The following CSAD variants were observed in gnomAD, a reference collection of about 807,000 sequenced individuals.
CSAD encodes P-selectin cytoplasmic tail-associated protein.
Under a neutral mutation model 61.5 loss-of-function variants are expected in CSAD, and 47 were observed. The ratio of observed to expected loss-of-function variants is 0.76; its 90% confidence interval spans 0.60 to 0.97. The LOEUF is 0.97. Ranked by LOEUF, CSAD falls within the 50% of genes least tolerant of loss-of-function variation. The pLI, the probability that CSAD is intolerant of heterozygous loss-of-function variation, is 0.00. For synonymous variants in CSAD, 245 were observed against 252.7 expected, an observed-to-expected ratio of 0.97 and a Z score of 0.29; for missense variants, 611 against 643.6, an observed-to-expected ratio of 0.95 and a Z score of 0.55.
Position 53,161,113 on chromosome 12 carries a change from G to C in CSAD, c.884+14C>G. The C allele has an allele frequency of 1.2e-6, 2 of 1,612,748 alleles. No individual in the cohort carries two copies. The highest frequency in any genetic ancestry group is 1.3e-5 in the African/African-American group (1 of 75,006). The stretch of plus-strand genomic sequence containing the variant: ...TTGAAGGGCGGGATTTGGGAAGAAG[G>C]GGACTGTATGCACCTCTGGATCCCA... On this transcript the variant is annotated intron_variant, in intron 12 of 16. Coordinates refer to ENST00000444623, the MANE Select transcript of CSAD (RefSeq NM_001244705.2).
upstream of CSAD, chr12:53,181,176 G>C (rs1941609274): frequency 3.0e-6 from 3 of 985,352 alleles, no homozygotes; most frequent in Non-Finnish European, 3.6e-6. Flanking sequence ...GCGACACGCC[G>C]CGCCGGGCTT....
At chr12:53,178,377 A>G in intron 2 of CSAD, 2 of 456,034 alleles carry the variant, frequency 4.4e-6, no homozygotes, top group Non-Finnish European at 8.8e-6. Flanking sequence ...CTGTAGTCCC[A>G]ACTACTTGGG....
In CSAD at chr12:53,172,628, A is replaced by G. The variant is rs146944410; in HGVS notation, c.147T>C (p.Pro49=). The change falls in exon 5 of 17, where the codon CCT becomes CCC. Residue 49 remains proline (P), a synonymous_variant. Transcript: ENST00000444623. ...VSQKVCEWKE[P]EELKQLLDLE... is the part of the protein sequence containing the mutation. The stretch of plus-strand genomic sequence containing the variant: ...AATCCAGCAGCTGCTTCAGCTCCTC[A>G]GGCTCCTTCCACTCACAGACCTAGG... 1.2e-5 allele frequency: 19 copies of G among 1,607,846 alleles called. No homozygotes were observed. In the African/African-American group the frequency reaches 1.5e-4, roughly 12 times the overall value.
intron 2 of CSAD, 36 bp from the exon 3 acceptor site, chr12:53,173,806 G>A (rs1450033151): frequency 5.0e-6 from 8 of 1,608,062 alleles, no homozygotes; most frequent in African/African-American, 1.3e-5. Flanking sequence ...AGAGGAAGTG[G>A]GGTGAAAAGT....
chr12:53,176,949 T>C (rs1434137362), intron 2 of CSAD, among the ~76,000 whole-genome samples: 1 of 152,130 alleles, frequency 6.6e-6, no homozygotes, highest in Non-Finnish European at 1.5e-5. Context: ...CAGGCTGGTC[T>C]TAAACTCTTG....
intron 9 of CSAD, 124 bp from the exon 10 acceptor site, chr12:53,170,250 G>T (rs1237170186): frequency 2.0e-6 from 2 of 1,024,112 alleles, no homozygotes; most frequent in African/African-American, 3.2e-5. Flanking sequence ...ACAGATCTCA[G>T]GGCAGAGGTG....
chr12:53,169,497 T>G (rs1421298842), intron 10 of CSAD, among the ~76,000 whole-genome samples: 2 of 150,572 alleles, frequency 1.3e-5, no homozygotes, highest in African/African-American at 4.9e-5. Context: ...AAAAAAAAAT[T>G]TTTACATTTA....
chr12:53,180,240 GA>G (rs1941466539), intron 1 of CSAD: 1 of 985,314 alleles, frequency 1.0e-6, no homozygotes. Context: ...ATCTGGGCCT[GA>G]CGGAAAAAAT....
intron 3 of CSAD, 71 bp downstream of exon 3, chr12:53,173,657 G>A: frequency 2.1e-6 from 3 of 1,442,614 alleles, no homozygotes; most frequent in South Asian, 2.3e-5. Context: ...ACAGGTGGGA[G>A]AGAAAAGGCA....
upstream of CSAD, chr12:53,180,980 G>A: frequency 1.3e-6 from 1 of 772,952 alleles, no homozygotes; most frequent in Non-Finnish European, 1.6e-6. Context: ...CTCCGGGGGA[G>A]GGAGGGGAAA....
chr12:53,162,014 CTT>C (rs1453564671), intron 10 of CSAD, among the ~76,000 whole-genome samples: 1 of 151,664 alleles, frequency 6.6e-6, no homozygotes, highest in East Asian at 1.9e-4. Flanking sequence ...AATCCCAGCA[CTT>C]TGAGAAGCCA....
intron 2 of CSAD, among the ~76,000 whole-genome samples, chr12:53,176,529 C>T (rs555576929): frequency 2.2e-4 from 33 of 151,920 alleles, no homozygotes; most frequent in Non-Finnish European, 4.0e-4. Context: ...ACCATCCTGG[C>T]TAATATGGTG....
At chr12:53,166,025 T>C (rs1939897972) in intron 10 of CSAD, among the ~76,000 whole-genome samples, 1 of 152,134 alleles carries the variant, frequency 6.6e-6, no homozygotes, top group South Asian at 2.1e-4. Flanking sequence ...CTAAGTGAAA[T>C]AAGCCAATCG....
chr12:53,158,697 GGAGA>G lies in CSAD; in HGVS notation c.1309-17_1309-14del. 6.2e-7 allele frequency: 1 copy of G among 1,611,228 alleles called. No individual in the cohort carries two copies. Among genetic ancestry groups the G allele is most frequent in the Non-Finnish European group, 8.5e-7 (1 of 1,178,094 alleles). The stretch of plus-strand genomic sequence containing the variant: ...GCACGGGGGCCACCTGTGGAAGGGT[GGAGA>G]GAGATTCCAGCTGCAGCCTGGGTCG... On this transcript the variant is annotated splice_polypyrimidine_tract_variant and intron_variant, in intron 16 of 16. Coordinates refer to ENST00000444623, the MANE Select transcript of CSAD (RefSeq NM_001244705.2).
At chr12:53,165,612 G>A (rs528132822) in intron 10 of CSAD, among the ~76,000 whole-genome samples, 88 of 135,254 alleles carry the variant, frequency 6.5e-4, no homozygotes, top group South Asian at 2.2e-3. Flanking sequence ...GCAGTGAGCC[G>A]AGATCACGAC....
chr12:53,161,471 C>T (rs1190675146), intron 10 of CSAD, 82 bp from the exon 11 acceptor site: 1 of 1,141,430 alleles, frequency 8.8e-7, no homozygotes, highest in East Asian at 2.4e-5. Context: ...CAGCTCTAAG[C>T]TCTTTGCATG....
intron 10 of CSAD, among the ~76,000 whole-genome samples, chr12:53,165,539 T>C (rs1939824642): frequency 2.6e-5 from 4 of 151,176 alleles, no homozygotes; most frequent in Admixed American, 2.6e-4. Context: ...GGCGGGAGCC[T>C]GTAGTCCCAG....
At chr12:53,179,639 T>G (rs1941401031) in intron 1 of CSAD, 1 of 730,732 alleles carries the variant, frequency 1.4e-6, no homozygotes, top group African/African-American at 1.8e-5. Context: ...GCCCAAATCA[T>G]GGAGTGGCTC....
chr12:53,163,612 AAAG>A (rs1443605268), intron 10 of CSAD, among the ~76,000 whole-genome samples: 4 of 152,224 alleles, frequency 2.6e-5, no homozygotes, highest in Non-Finnish European at 5.9e-5. Flanking sequence ...CTATTTAACA[AAAG>A]AAGTATAAAG....
Sources: allele counts gnomAD v4.1 joint callset (sites outside exome capture counted in the v4.1 genomes callset), GRCh38; gene constraint gnomAD v4.1.1; transcripts MANE v1.5; gene names NCBI Gene and HGNC (gene_info 2026-07-23, HGNC 2026-07-21).